The following SLC25A48 variants were observed in gnomAD, a reference collection of about 807,000 sequenced individuals.
The protein encoded by SLC25A48 is solute carrier family 25 member 48, also known as CTC-321K16.1.
Under a neutral mutation model 32.2 loss-of-function variants are expected in SLC25A48, and 29 were observed. The observed-to-expected ratio is 0.90, with a 90% CI of 0.67 to 1.23. SLC25A48 has a LOEUF of 1.23. Among genes scored for constraint, SLC25A48 ranks in the 50% most tolerant of loss-of-function variants. The pLI, the probability that SLC25A48 is intolerant of heterozygous loss-of-function variation, is 0.00. For synonymous variants in SLC25A48, 164 were observed against 172.3 expected (o/e 0.95, Z 0.38); for missense variants, 399 against 422.7 (o/e 0.94, Z 0.49).
At chr5:135,875,778 A>G (rs2126817728) in intron 6 of SLC25A48, 1 of 152,372 alleles carries the variant, frequency 6.6e-6, no homozygotes, top group Middle Eastern at 3.4e-3. Flanking sequence ...ATAGAAGTAC[A>G]GTGGGTAGAA....
At chr5:135,855,265 A>G (rs1760218748) in intron 4 of SLC25A48, among the ~76,000 whole-genome samples, 1 of 152,220 alleles carries the variant, frequency 6.6e-6, no homozygotes, top group Admixed American at 6.5e-5. Context: ...CTGACCACAA[A>G]CCTTCAATTT....
At chr5:135,700,814 AG>A (rs1323488211) in intron 3 of SLC25A48, among the ~76,000 whole-genome samples, 1 of 152,324 alleles carries the variant, frequency 6.6e-6, no homozygotes, top group East Asian at 1.9e-4. Flanking sequence ...TGCACCTACC[AG>A]TAACAACACA....
intron 3 of SLC25A48, among the ~76,000 whole-genome samples, chr5:135,777,623 G>T (rs894565987): frequency 6.6e-6 from 1 of 150,542 alleles, no homozygotes; most frequent in Admixed American, 6.6e-5. Context: ...TTGTGATATT[G>T]TTCCTAATAT....
intron 1 of SLC25A48, among the ~76,000 whole-genome samples, chr5:135,839,213 C>T (rs1269890027): frequency 6.6e-6 from 1 of 152,184 alleles, no homozygotes; most frequent in East Asian, 1.9e-4. Context: ...TCCTGGGAGA[C>T]ACTCATGCCA....
At chr5:135,887,584 A>G (rs1468393341) in intron 7 of SLC25A48, among the ~76,000 whole-genome samples, 1 of 152,164 alleles carries the variant, frequency 6.6e-6, no homozygotes, top group Admixed American at 6.5e-5. Flanking sequence ...AACCCTCCGC[A>G]GGAATCCGCG....
intron 3 of SLC25A48, among the ~76,000 whole-genome samples, chr5:135,689,018 A>C (rs1391443315): frequency 6.7e-6 from 1 of 149,560 alleles, no homozygotes; most frequent in Admixed American, 6.6e-5. Flanking sequence ...AGATGAGGTA[A>C]CTAAGACTTA....
intron 3 of SLC25A48, among the ~76,000 whole-genome samples, chr5:135,736,046 GGC>G (rs1755352702): frequency 6.6e-6 from 1 of 152,072 alleles, no homozygotes; most frequent in African/African-American, 2.4e-5. Flanking sequence ...AATTGGACCT[GGC>G]TCAGCCTGGC....
intron 3 of SLC25A48, among the ~76,000 whole-genome samples, chr5:135,669,420 T>TG (rs1184541375): frequency 1.3e-5 from 2 of 151,918 alleles, no homozygotes; most frequent in African/African-American, 4.8e-5. Flanking sequence ...AGCACCTATC[T>TG]GGGGGGAGGG....
chr5:135,874,443 G>T (rs768192057), intron 6 of SLC25A48, among the ~76,000 whole-genome samples: 3 of 152,210 alleles, frequency 2.0e-5, no homozygotes, highest in Non-Finnish European at 4.4e-5. Flanking sequence ...GTCCATTTCT[G>T]TCTGTCTCCG....
At position 135,874,294 on chromosome 5, in the gene SLC25A48, G is replaced by A. The variant is rs1005903243; in HGVS notation, c.813+140G>A. 7.6e-5 allele frequency: 84 copies of A among 1,099,338 alleles called. 3 individuals carry two copies. In the Middle Eastern group the frequency reaches 1.5e-3, roughly 20 times the overall value. The allele number at this position is 1,099,338 out of a possible 1,614,324, so 68.1% of individuals were successfully genotyped here. On this transcript the variant is annotated intron_variant, in intron 6 of 7. Coordinates refer to ENST00000681962, the MANE Select transcript of SLC25A48 (RefSeq NM_001349336.2). Reference sequence around the variant, plus strand: ...ATTATGTATCAGGTGCCACAAGTGGGTGCTTTGTCAAGCACTTCACCTGGG... The same window carrying A: ...ATTATGTATCAGGTGCCACAAGTGGATGCTTTGTCAAGCACTTCACCTGGG...
upstream of SLC25A48, chr5:135,834,567 T>C: frequency 2.3e-6 from 1 of 439,144 alleles, no homozygotes; most frequent in Middle Eastern, 5.9e-4. Context: ...CTTGCCTCTT[T>C]GTGTCTGGGA....
chr5:135,761,995 G>A (rs183260408), intron 3 of SLC25A48, among the ~76,000 whole-genome samples: 1 of 152,304 alleles, frequency 6.6e-6, no homozygotes, highest in East Asian at 1.9e-4. Flanking sequence ...AACCTGATAT[G>A]AAACCCATCT....
In SLC25A48 at chr5:135,861,313, G is replaced by GCACACACA. The variant is rs10561751; in HGVS notation, c.421+8514_421+8521dup. On this transcript the variant is annotated intron_variant, in intron 4 of 7. Coordinates refer to ENST00000681962, the MANE Select transcript of SLC25A48 (RefSeq NM_001349336.2). Reference sequence around the variant, plus strand: ...GTGCACTAGTCCATCAAATACACACGCACACACACACACACACACACACAC... The same window carrying GCACACACA: ...GTGCACTAGTCCATCAAATACACACGCACACACACACACACACACACACACACACACAC... 4.3e-4 allele frequency among the ~76,000 whole-genome samples: 62 copies of GCACACACA among 145,796 alleles called. 1 individual carries two copies. In the East Asian group the frequency reaches 0.011, roughly 25 times the overall value.
chr5:135,750,963 G>A (rs771531899), intron 3 of SLC25A48, among the ~76,000 whole-genome samples: 6 of 152,236 alleles, frequency 3.9e-5, no homozygotes, highest in Middle Eastern at 6.8e-3. Context: ...AAAACATGTG[G>A]AACTGAGCTG....
At chr5:135,744,202 A>G (rs539801289) in intron 3 of SLC25A48, among the ~76,000 whole-genome samples, 4 of 152,290 alleles carry the variant, frequency 2.6e-5, no homozygotes, top group Admixed American at 6.5e-5. Context: ...ATATATAAAC[A>G]CGAGCCTCCT....
At chr5:135,598,307 T>C (rs1455332191) in intron 1 of SLC25A48, among the ~76,000 whole-genome samples, 3 of 152,346 alleles carry the variant, frequency 2.0e-5, no homozygotes, top group South Asian at 4.1e-4. Context: ...GTTCTTCCTA[T>C]TGCATTATCT....
intron 3 of SLC25A48, chr5:135,742,644 C>T (rs888566293): frequency 6.7e-6 from 4 of 600,196 alleles, no homozygotes; most frequent in African/African-American, 5.7e-5. Flanking sequence ...CCTCGAATGT[C>T]ACTCTTTCAG....
chr5:135,672,991 T>C (rs1753689656), intron 3 of SLC25A48, among the ~76,000 whole-genome samples: 1 of 152,228 alleles, frequency 6.6e-6, no homozygotes, highest in African/African-American at 2.4e-5. Context: ...AGTATATATA[T>C]TTATTTATCT....
chr5:135,794,652 G>T (rs1268468151), intron 3 of SLC25A48, among the ~76,000 whole-genome samples: 4 of 151,564 alleles, frequency 2.6e-5, no homozygotes, highest in Non-Finnish European at 4.4e-5. Context: ...ATCGCAGGGG[G>T]TGTACAACCC....
Sources: allele counts gnomAD v4.1 joint callset (sites outside exome capture counted in the v4.1 genomes callset), GRCh38; gene constraint gnomAD v4.1.1; transcripts MANE v1.5; gene names NCBI Gene and HGNC (gene_info 2026-07-23, HGNC 2026-07-21).